SHROOM2: variants seen among roughly 807,000 people sequenced by gnomAD.
The protein encoded by SHROOM2 is shroom family member 2.
In SHROOM2, 33 loss-of-function variants were observed where a neutral mutation model predicts 75.9. The ratio of observed to expected loss-of-function variants is 0.43; its 90% CI spans 0.33 to 0.58. The LOEUF is 0.58. SHROOM2 is among the 20% of genes least tolerant of loss of function. SHROOM2 has a pLI of 0.04. For synonymous variants in SHROOM2, 655 were observed against 663.6 expected, an observed-to-expected ratio of 0.99 and a Z score of 0.20; for missense variants, 1,434 against 1,461.2, an observed-to-expected ratio of 0.98 and a Z score of 0.30.
intron 5 of SHROOM2, among the ~76,000 whole-genome samples, chrX:9,905,603 C>G (rs754941562): frequency 1.8e-4 from 20 of 113,364 alleles, no homozygotes; most frequent in Non-Finnish European, 3.6e-4. Flanking sequence ...CTGCTTTGGG[C>G]TTTCTCGCAC....
chrX:9,896,345 G>T lies in SHROOM2; in HGVS notation c.2437G>T (p.Ala813Ser), dbSNP rs1271652913. The T allele has an allele frequency of 8.2e-7, 1 of 1,212,304 alleles. No homozygotes were observed. The highest frequency in any genetic ancestry group is 1.7e-5 in the African/African-American group (1 of 58,002). The change falls in exon 4 of 10, where the codon GCC becomes TCC. Residue 813 changes from alanine (A) to serine (S), a missense_variant. By Grantham distance (99) the Ala-to-Ser change is moderately conservative (BLOSUM62 1). Coordinates refer to ENST00000380913, the MANE Select transcript of SHROOM2 (RefSeq NM_001649.4). Reference sequence around the variant, plus strand: ...GAGCAAACCTGTTCCCCAGAGGCCTGCCCAGAAGCAAGCTCTTCACGGAAT... The same window carrying T: ...GAGCAAACCTGTTCCCCAGAGGCCTTCCCAGAAGCAAGCTCTTCACGGAAT... ...ETSKPVPQRPAQKQALHGIPR... is the reference protein window; with the variant it reads ...ETSKPVPQRPSQKQALHGIPR...
chrX:9,797,997 T>A (rs182486694), intron 1 of SHROOM2, among the ~76,000 whole-genome samples: 27 of 111,946 alleles, frequency 2.4e-4, no homozygotes, highest in African/African-American at 8.4e-4. Context: ...GCAGACTTTT[T>A]TCCCCCTGGT....
rs765114294 is a variant in SHROOM2 at position 9,826,427 on chromosome X, T to C, written c.165+39717T>C. ...GTATCATTTTCCTTTTTTTTTAATC[T>C]CTATTTCTAAGAATAACTTTATCTT... is the stretch of plus-strand genomic sequence containing the variant. On this transcript the variant is annotated intron_variant, in intron 1 of 9. Transcript: ENST00000380913. Among the ~76,000 whole-genome samples the C allele has an allele frequency of 6.3e-5, 7 of 111,551 alleles. No homozygotes were observed. In the Admixed American group the frequency reaches 6.7e-4, roughly 11 times the overall value.
chrX:9,863,424 G>A (rs1159655784), intron 1 of SHROOM2, among the ~76,000 whole-genome samples: 1 of 110,415 alleles, frequency 9.1e-6, no homozygotes, highest in South Asian at 3.9e-4. Context: ...CCACGTCCTC[G>A]TCCTCTCCTC....
chrX:9,789,026 G>C (rs1410569906), intron 1 of SHROOM2, among the ~76,000 whole-genome samples: 1 of 111,801 alleles, frequency 8.9e-6, no homozygotes, highest in African/African-American at 3.2e-5. Context: ...TGGCCTTTAG[G>C]GTGGTGTGTT....
At chrX:9,827,223 C>CTTTTTTTTTTTTTTTTTTTTT (rs397953893) in intron 1 of SHROOM2, among the ~76,000 whole-genome samples, 32 of 60,108 alleles carry the variant, frequency 5.3e-4, no homozygotes, top group Admixed American at 8.1e-4. Flanking sequence ...TTTTCTTTTT[C>CTTTTTTTTTTTTTTTTTTTTT]TTTTTTTTTT....
intron 1 of SHROOM2, among the ~76,000 whole-genome samples, chrX:9,831,483 A>G (rs1031543180): frequency 1.9e-4 from 21 of 111,228 alleles, no homozygotes; most frequent in Non-Finnish European, 3.8e-4. Flanking sequence ...GCATGGAGAA[A>G]CCCTGTCTCT....
intron 1 of SHROOM2, among the ~76,000 whole-genome samples, chrX:9,811,766 A>G (rs959053065): frequency 1.8e-5 from 2 of 111,742 alleles, no homozygotes; most frequent in Non-Finnish European, 3.8e-5. Context: ...ATCATGCAGA[A>G]CTGTCTGTGA....
chrX:9,896,273 G>T lies in SHROOM2; in HGVS notation c.2365G>T (p.Asp789Tyr), dbSNP rs780332929. The T allele has an allele frequency of 1.9e-5, 23 of 1,211,299 alleles. No individual in the cohort carries two copies. Among genetic ancestry groups the T allele is most frequent in the Non-Finnish European group, 2.3e-5 (21 of 895,507 alleles). ...TCACCAGCACCCCAGGACATCTGAGGATACTGTGGGCACGTTTGCTGACAG... is the reference window on the plus strand; with the variant it reads ...TCACCAGCACCCCAGGACATCTGAGTATACTGTGGGCACGTTTGCTGACAG... The part of the protein sequence containing the change: ...SPHQHPRTSE[D>Y]TVGTFADRWK... The change falls in exon 4 of 10, where the codon GAT becomes TAT. Residue 789 changes from aspartate (D) to tyrosine (Y), a missense_variant. This residue lies in a region of SHROOM2 where 1,340 missense variants were observed against 1,338.3 expected (regional missense o/e 1.00). Transcript: ENST00000380913.
At chrX:9,838,014 A>G (rs996277549) in intron 1 of SHROOM2, among the ~76,000 whole-genome samples, 1 of 108,037 alleles carries the variant, frequency 9.3e-6, no homozygotes, top group Non-Finnish European at 1.9e-5. Flanking sequence ...AGCACTGAGT[A>G]AGCTGAAGAC....
intron 1 of SHROOM2, among the ~76,000 whole-genome samples, chrX:9,802,878 C>G: frequency 9.2e-6 from 1 of 108,550 alleles, no homozygotes; most frequent in East Asian, 2.9e-4. Context: ...TACATGGAGT[C>G]AGGATCCCTG....
chrX:9,815,732 G>A (rs921250710), intron 1 of SHROOM2, among the ~76,000 whole-genome samples: 3 of 110,093 alleles, frequency 2.7e-5, no homozygotes, highest in South Asian at 3.9e-4. Context: ...TGATGTTCGA[G>A]GGCAGAAGCA....
Position 9,786,556 on chromosome X carries a change from C to A in SHROOM2, c.11C>A (p.Ala4Asp). 1.2e-6 allele frequency: 1 copy of A among 852,148 alleles called. No homozygotes were observed. The highest frequency in any genetic ancestry group is 6.9e-5 in the Admixed American group (1 of 14,572). The allele number at this position is 852,148 out of a possible 1,213,427, so 70.2% of individuals were successfully genotyped here. The change falls in exon 1 of 10, where the codon GCC (alanine) becomes GAC (aspartate). Residue 4 changes from alanine (A) to aspartate (D), a missense_variant. By Grantham distance (126) the Ala-to-Asp change is moderately radical. Around this residue, in one of 3 missense-constraint regions of SHROOM2, gnomAD observed 1,340 missense variants for 1,338.3 expected, o/e 1.00. Coordinates refer to ENST00000380913, the MANE Select transcript of SHROOM2 (RefSeq NM_001649.4). MEG[A>D]EPRARPERLA... The stretch of plus-strand genomic sequence containing the variant: ...CTGAGCGGTCGCGCCATGGAGGGCG[C>A]CGAGCCCCGCGCGCGGCCCGAGCGC...
intron 5 of SHROOM2, among the ~76,000 whole-genome samples, chrX:9,914,416 T>C (rs180839815): frequency 1.8e-5 from 2 of 109,919 alleles, no homozygotes; most frequent in East Asian, 5.8e-4. Flanking sequence ...CTACCTTTAA[T>C]TTTTTACCTC....
At chrX:9,876,301 C>T (rs1388017723) in intron 2 of SHROOM2, among the ~76,000 whole-genome samples, 4 of 112,221 alleles carry the variant, frequency 3.6e-5, no homozygotes, top group Non-Finnish European at 5.6e-5. Flanking sequence ...TCTCACACAA[C>T]ACTCAACACA....
chrX:9,792,825 A>C (rs1042134540), intron 1 of SHROOM2, among the ~76,000 whole-genome samples: 3 of 109,381 alleles, frequency 2.7e-5, no homozygotes, highest in African/African-American at 1.0e-4. Flanking sequence ...GGTTCAAGCA[A>C]TCCTCCCACC....
intron 1 of SHROOM2, among the ~76,000 whole-genome samples, chrX:9,801,828 C>T (rs2083725305): frequency 1.8e-5 from 2 of 109,976 alleles, no homozygotes; most frequent in Non-Finnish European, 1.9e-5. Context: ...TGGTGACTGG[C>T]ACCTGTAGTC....
At chrX:9,792,151 G>GAATAGAATAA (rs2083667070) in intron 1 of SHROOM2, among the ~76,000 whole-genome samples, 1 of 13,881 alleles carries the variant, frequency 7.2e-5, no homozygotes, top group Non-Finnish European at 1.7e-4. Flanking sequence ...GAATAGAATA[G>GAATAGAATAA]AATAGAATAA....
At chrX:9,792,454 G>GTTT (rs34640554) in intron 1 of SHROOM2, among the ~76,000 whole-genome samples, 363 of 98,242 alleles carry the variant, frequency 3.7e-3, no homozygotes, top group African/African-American at 6.1e-3. Context: ...GTTTTTTTGT[G>GTTT]TTGTTTTTTT....
Sources: gnomAD v4.1 joint callset for allele counts (sites outside exome capture counted in the v4.1 genomes callset) on GRCh38, gnomAD v4.1.1 for gene constraint, gnomAD v4.1.1 regional missense constraint, MANE v1.5 for transcripts, NCBI Gene and HGNC (gene_info 2026-07-23, HGNC 2026-07-21) for gene names.